The following PEMT variants were observed in gnomAD, a reference collection of about 807,000 sequenced individuals.
The protein encoded by PEMT is phosphatidylethanolamine N-methyltransferase, also known as phospholipid methyltransferase.
A neutral mutation model predicts 27.4 loss-of-function variants in PEMT; 23 were observed. The observed-to-expected ratio is 0.84, with a 90% CI of 0.60 to 1.19. The LOEUF (loss-of-function observed/expected upper bound fraction) is 1.19, where lower values mean the gene tolerates loss of function less well. Ranked by LOEUF, PEMT falls within the 50% of genes most tolerant of loss-of-function variation. The pLI, the probability that PEMT is intolerant of heterozygous loss-of-function variation, is 0.00. For missense variants in PEMT, 307 were observed against 310.1 expected (o/e 0.99, Z 0.07); for synonymous variants, 137 against 139.1 (o/e 0.98, Z 0.11).
chr17:17,560,261 G>A (rs907527393), intron 2 of PEMT, among the ~76,000 whole-genome samples: 1 of 152,222 alleles, frequency 6.6e-6, no homozygotes, highest in African/African-American at 2.4e-5. Flanking sequence ...AACATGCCTG[G>A]GTGCAGGAGA....
At chr17:17,519,733 G>A (rs571294285) in intron 3 of PEMT, among the ~76,000 whole-genome samples, 95 of 152,340 alleles carry the variant, frequency 6.2e-4, no homozygotes, top group Admixed American at 2.2e-3. Flanking sequence ...GGACCAGCAG[G>A]GAGGTGATGG....
chr17:17,509,176 G>A (rs939818380), intron 5 of PEMT, among the ~76,000 whole-genome samples: 1 of 152,280 alleles, frequency 6.6e-6, no homozygotes, highest in Non-Finnish European at 1.5e-5. Flanking sequence ...CTGAGCAGCT[G>A]TGACCTGCCT....
chr17:17,577,292 G>T, intron 1 of PEMT: 1 of 472,662 alleles, frequency 2.1e-6, no homozygotes, highest in Non-Finnish European at 3.8e-6. Context: ...AGGGGTGCCT[G>T]GCACCCTGAA....
chr17:17,559,952 G>A (rs1910353424), intron 2 of PEMT, among the ~76,000 whole-genome samples: 1 of 152,184 alleles, frequency 6.6e-6, no homozygotes, highest in South Asian at 2.1e-4. Flanking sequence ...AGTCAGAGGT[G>A]GACAAAGCCT....
intron 1 of PEMT, among the ~76,000 whole-genome samples, chr17:17,577,850 T>C (rs1168380623): frequency 6.6e-6 from 1 of 151,816 alleles, no homozygotes; most frequent in Non-Finnish European, 1.5e-5. Flanking sequence ...ACCCCATCTC[T>C]ACTAAAAATA....
At chr17:17,560,166 G>C (rs56656484) in intron 2 of PEMT, among the ~76,000 whole-genome samples, 9,104 of 152,298 alleles carry the variant, frequency 0.06, 380 homozygotes, top group East Asian at 0.14. Context: ...GGCAGGCATC[G>C]GGTGAAGGCA....
intron 2 of PEMT, among the ~76,000 whole-genome samples, chr17:17,576,332 C>G (rs1024340334): frequency 6.6e-6 from 1 of 152,320 alleles, no homozygotes. Flanking sequence ...CCCGGGCACC[C>G]AAACATCCCC....
At chr17:17,518,320 T>C (rs376668770) in intron 3 of PEMT, among the ~76,000 whole-genome samples, 12 of 152,282 alleles carry the variant, frequency 7.9e-5, no homozygotes, top group African/African-American at 2.2e-4. Flanking sequence ...GAGACCAGCC[T>C]TGTGGCTCAT....
intron 2 of PEMT, among the ~76,000 whole-genome samples, chr17:17,554,280 G>A (rs757889161): frequency 1.3e-5 from 2 of 152,200 alleles, no homozygotes; most frequent in Non-Finnish European, 2.9e-5. Flanking sequence ...TCTGTCCCTC[G>A]GTAAACAAGG....
chr17:17,509,622 C>A (rs988842629), intron 4 of PEMT, 77 bp from the exon 5 acceptor site: 2 of 1,009,736 alleles, frequency 2.0e-6, no homozygotes, highest in African/African-American at 1.6e-5. Context: ...GGCCCCAGAG[C>A]GGGCTGTGGC....
intron 2 of PEMT, among the ~76,000 whole-genome samples, chr17:17,538,228 A>C (rs1206656536): frequency 6.6e-6 from 1 of 152,214 alleles, no homozygotes; most frequent in East Asian, 1.9e-4. Context: ...CCATCAATAC[A>C]CGCTGAGCGG....
intron 1 of PEMT, among the ~76,000 whole-genome samples, chr17:17,583,807 CTG>C (rs1318485458): frequency 2.0e-5 from 3 of 152,256 alleles, no homozygotes; most frequent in African/African-American, 7.2e-5. Context: ...ATGCTGGAAT[CTG>C]AGGTCAGGCA....
chr17:17,532,643 T>C (rs569618419), intron 2 of PEMT, among the ~76,000 whole-genome samples: 41 of 152,306 alleles, frequency 2.7e-4, no homozygotes, highest in African/African-American at 9.4e-4. Context: ...GGCTTCTTTG[T>C]AAAACTGACA....
intron 2 of PEMT, among the ~76,000 whole-genome samples, chr17:17,533,305 C>T (rs1369576844): frequency 1.3e-5 from 2 of 152,214 alleles, no homozygotes; most frequent in East Asian, 1.9e-4. Context: ...GGTGGACTCT[C>T]AGCCTCACAT....
chr17:17,567,102 C>T (rs1910876615), intron 2 of PEMT, among the ~76,000 whole-genome samples: 1 of 152,200 alleles, frequency 6.6e-6, no homozygotes, highest in South Asian at 2.1e-4. Context: ...ACGCTTGGGT[C>T]CCACCCAGCC....
chr17:17,511,849 GCTTTT>G (rs1906434986), intron 4 of PEMT, among the ~76,000 whole-genome samples: 1 of 144,134 alleles, frequency 6.9e-6, no homozygotes, highest in South Asian at 2.2e-4. Context: ...TCCCATGGCT[GCTTTT>G]CTTTCCCAGA....
At chr17:17,559,096 T>C (rs1252970488) in intron 2 of PEMT, among the ~76,000 whole-genome samples, 1 of 152,158 alleles carries the variant, frequency 6.6e-6, no homozygotes, top group Admixed American at 6.5e-5. Context: ...CTCCCCCCCA[T>C]TTTTACAGAC....
chr17:17,538,670 G>C (rs1048630162), intron 2 of PEMT, among the ~76,000 whole-genome samples: 2 of 152,232 alleles, frequency 1.3e-5, no homozygotes, highest in Non-Finnish European at 2.9e-5. Flanking sequence ...TATGATGTCT[G>C]ATTTATGCGC....
intron 2 of PEMT, among the ~76,000 whole-genome samples, chr17:17,567,016 G>C (rs1555543981): frequency 6.6e-6 from 1 of 152,208 alleles, no homozygotes; most frequent in Non-Finnish European, 1.5e-5. Flanking sequence ...GGGTGATTCT[G>C]CTCACACTAG....
Sources: gnomAD v4.1 joint callset for allele counts (sites outside exome capture counted in the v4.1 genomes callset) on GRCh38, gnomAD v4.1.1 for gene constraint, MANE v1.5 for transcripts, NCBI Gene and HGNC (gene_info 2026-07-23, HGNC 2026-07-21) for gene names.